The following BCAS4 variants were observed in gnomAD, a reference collection of about 807,000 sequenced individuals.
BCAS4 encodes breast carcinoma-amplified sequence 4.
A neutral mutation model predicts 15.7 loss-of-function variants in BCAS4; 9 were observed. The observed-to-expected ratio is 0.57, with a 90% CI of 0.34 to 1.00. BCAS4 has a LOEUF of 1.00. Among genes scored for constraint, BCAS4 ranks in the 50% least tolerant of loss-of-function variants. BCAS4 has a pLI of 0.02. For missense variants in BCAS4, 225 were observed against 239.1 expected (o/e 0.94, Z 0.39); for synonymous variants, 101 against 99.5 (o/e 1.02, Z -0.09).
intron 2 of BCAS4, among the ~76,000 whole-genome samples, chr20:50,824,379 G>C (rs755308411): frequency 2.0e-5 from 3 of 152,194 alleles, no homozygotes; most frequent in Non-Finnish European, 2.9e-5. Context: ...TTTCCTCTGT[G>C]GTGACCTCAG....
intron 4 of BCAS4, among the ~76,000 whole-genome samples, chr20:50,871,586 A>G (rs1211384053): frequency 1.3e-5 from 2 of 152,248 alleles, no homozygotes; most frequent in Non-Finnish European, 2.9e-5. Flanking sequence ...TTTGAGGCTC[A>G]TGAACAGGAA....
intron 4 of BCAS4, among the ~76,000 whole-genome samples, chr20:50,874,654 C>T (rs1184477899): frequency 1.3e-5 from 2 of 152,122 alleles, no homozygotes; most frequent in Non-Finnish European, 2.9e-5. Context: ...TGGACAGATG[C>T]TTGGAGGATG....
intron 2 of BCAS4, among the ~76,000 whole-genome samples, chr20:50,823,335 G>A (rs1438979684): frequency 2.6e-5 from 4 of 151,586 alleles, no homozygotes; most frequent in Non-Finnish European, 4.4e-5. Flanking sequence ...GTGAGACTCC[G>A]TCCCCCCGGC....
chr20:50,820,898 TG>T (rs976509884), intron 2 of BCAS4, among the ~76,000 whole-genome samples: 5 of 151,822 alleles, frequency 3.3e-5, no homozygotes, highest in Non-Finnish European at 4.4e-5. Context: ...TTGATGTTTC[TG>T]GGGGGGAAAA....
In BCAS4 at chr20:50,853,594, C is replaced by G. The variant is rs191924648; in HGVS notation, c.399+11694C>G. Among the ~76,000 whole-genome samples the G allele has an allele frequency of 2.0e-5, 3 of 151,536 alleles. No homozygotes were observed. In the East Asian group the frequency reaches 5.8e-4, roughly 29 times the overall value. On this transcript the variant is annotated intron_variant, in intron 4 of 4. Coordinates refer to ENST00000371608, the MANE Select transcript of BCAS4 (RefSeq NM_198799.4). ...GCATTTGGAGGGGGATAACCAAGAG[C>G]AAGGATGCAGACCAGGCCTCACAAC... is the stretch of plus-strand genomic sequence containing the variant.
chr20:50,876,360 A>G, intron 4 of BCAS4, 126 bp from the exon 5 acceptor site: 2 of 1,320,566 alleles, frequency 1.5e-6, no homozygotes, highest in East Asian at 4.7e-5. Flanking sequence ...CAGTGCTGTC[A>G]GAGGAGCTCA....
At chr20:50,812,277 C>T (rs912810175) in intron 1 of BCAS4, among the ~76,000 whole-genome samples, 5 of 151,848 alleles carry the variant, frequency 3.3e-5, no homozygotes, top group South Asian at 2.1e-4. Context: ...GGACTACAGG[C>T]GCCCACTACC....
At chr20:50,858,925 C>CTATTATTATTATTAT (rs56152037) in intron 4 of BCAS4, among the ~76,000 whole-genome samples, 8 of 144,506 alleles carry the variant, frequency 5.5e-5, no homozygotes, top group African/African-American at 2.1e-4. Flanking sequence ...CAGGCTCTTG[C>CTATTATTATTATTAT]TATTATTATT....
intron 4 of BCAS4, among the ~76,000 whole-genome samples, chr20:50,866,219 C>T (rs566991373): frequency 9.8e-5 from 15 of 152,350 alleles, no homozygotes; most frequent in African/African-American, 3.4e-4. Flanking sequence ...GGACAGCAGC[C>T]ACCGGCCGTG....
chr20:50,859,486 C>A (rs191696201), intron 4 of BCAS4, among the ~76,000 whole-genome samples: 8 of 151,844 alleles, frequency 5.3e-5, no homozygotes, highest in Admixed American at 6.6e-5. Flanking sequence ...GAGACAGGGG[C>A]CAGGGAGAGC....
chr20:50,800,763 T>C (rs1004896301), intron 1 of BCAS4, among the ~76,000 whole-genome samples: 1 of 152,020 alleles, frequency 6.6e-6, no homozygotes, highest in African/African-American at 2.4e-5. Context: ...AGTTTCGCCA[T>C]GTTGGCCAGG....
rs532102950 is a variant in BCAS4 at position 50,830,385 on chromosome 20, G to A, written c.264+5G>A. On this transcript the variant is annotated splice_donor_5th_base_variant and intron_variant, in intron 3 of 4. Transcript: ENST00000371608. ...GCCAAAGTGGACCGGCTAGAGGTACGTCTAGGCAAACGAAGGTTCTGAGGC... is the reference window on the plus strand; with the variant it reads ...GCCAAAGTGGACCGGCTAGAGGTACATCTAGGCAAACGAAGGTTCTGAGGC... 261 of 1,608,754 alleles carry A rather than the reference G, an allele frequency of 1.6e-4. 1 individual carries two copies. In the South Asian group the frequency reaches 2.7e-3, roughly 16 times the overall value.
chr20:50,832,477 C>T (rs924808882), intron 3 of BCAS4, among the ~76,000 whole-genome samples: 3 of 152,220 alleles, frequency 2.0e-5, no homozygotes, highest in South Asian at 2.1e-4. Flanking sequence ...AGGCTGCTCT[C>T]GAACTCCCGA....
At chr20:50,873,095 A>G (rs940005581) in intron 4 of BCAS4, among the ~76,000 whole-genome samples, 8 of 152,180 alleles carry the variant, frequency 5.3e-5, no homozygotes, top group Non-Finnish European at 1.0e-4. Flanking sequence ...GAAGGATGCA[A>G]TTGTTGGGGG....
intron 1 of BCAS4, among the ~76,000 whole-genome samples, chr20:50,803,120 GC>G (rs1225554306): frequency 6.6e-6 from 1 of 152,228 alleles, no homozygotes; most frequent in East Asian, 1.9e-4. Context: ...TGTGGAGGTT[GC>G]AGTGAGCCAA....
At chr20:50,850,995 G>A (rs1978383830) in intron 4 of BCAS4, among the ~76,000 whole-genome samples, 1 of 152,098 alleles carries the variant, frequency 6.6e-6, no homozygotes, top group Non-Finnish European at 1.5e-5. Flanking sequence ...GCCAGGCTCA[G>A]CGTGCTCCCC....
chr20:50,822,729 G>A (rs1279616799), intron 2 of BCAS4, among the ~76,000 whole-genome samples: 1 of 150,876 alleles, frequency 6.6e-6, no homozygotes, highest in Non-Finnish European at 1.5e-5. Context: ...TCTGCCTCCT[G>A]GGTTCAAGCG....
intron 4 of BCAS4, chr20:50,876,203 G>T (rs889195241): frequency 7.4e-6 from 3 of 407,212 alleles, no homozygotes; most frequent in Non-Finnish European, 1.4e-5. Context: ...CGCCTGCCTT[G>T]GCCTCCCAAA....
chr20:50,805,450 A>G (rs1362601051), intron 1 of BCAS4, among the ~76,000 whole-genome samples: 2 of 152,220 alleles, frequency 1.3e-5, no homozygotes, highest in Admixed American at 6.5e-5. Flanking sequence ...GAGAATTTGC[A>G]TAAACATCTG....
Sources: gnomAD v4.1 joint callset for allele counts (sites outside exome capture counted in the v4.1 genomes callset) on GRCh38, gnomAD v4.1.1 for gene constraint, MANE v1.5 for transcripts, NCBI Gene and HGNC (gene_info 2026-07-23, HGNC 2026-07-21) for gene names.